The following CACNA2D1 variants were observed in gnomAD, a reference collection of about 807,000 sequenced individuals.
The protein encoded by CACNA2D1 is voltage-dependent calcium channel subunit alpha-2/delta-1.
Under a neutral mutation model 171.5 loss-of-function variants are expected in CACNA2D1, and 53 were observed. The observed-to-expected ratio is 0.31, with a 90% CI of 0.25 to 0.39. The LOEUF is 0.39. Ranked by LOEUF, CACNA2D1 falls within the 10% of genes least tolerant of loss-of-function variation. CACNA2D1 has a pLI of 1.00. For missense variants in CACNA2D1, 903 were observed against 1,299.8 expected (o/e 0.69, Z 4.69); for synonymous variants, 442 against 443.1 (o/e 1.00, Z 0.03).
intron 6 of CACNA2D1, among the ~76,000 whole-genome samples, chr7:82,115,248 G>A (rs1788908281): frequency 6.6e-6 from 1 of 152,056 alleles, no homozygotes; most frequent in African/African-American, 2.4e-5. Context: ...ACAAACAACA[G>A]GTGATAGATC....
chr7:81,953,109 C>A (rs1408361603), intron 38 of CACNA2D1, among the ~76,000 whole-genome samples: 1 of 151,964 alleles, frequency 6.6e-6, no homozygotes, highest in South Asian at 2.1e-4. Context: ...CATCCTCTAA[C>A]TCTACCTTCA....
At chr7:82,177,146 C>T (rs11489546) in intron 3 of CACNA2D1, among the ~76,000 whole-genome samples, 1,587 of 145,892 alleles carry the variant, frequency 0.011, 23 homozygotes, top group African/African-American at 0.038. Context: ...CTGAAAAGCA[C>T]AGAAATAGTC....
chr7:82,265,171 C>T (rs1807663329), intron 3 of CACNA2D1, among the ~76,000 whole-genome samples: 1 of 152,178 alleles, frequency 6.6e-6, no homozygotes, highest in South Asian at 2.1e-4. Context: ...ACAGGCGATA[C>T]ATGGCTGAAT....
chr7:82,221,258 A>C (rs951985845), intron 3 of CACNA2D1, among the ~76,000 whole-genome samples: 3 of 152,148 alleles, frequency 2.0e-5, no homozygotes, highest in Non-Finnish European at 2.9e-5. Flanking sequence ...GGTACTCCTC[A>C]ATGTCCTTGG....
intron 4 of CACNA2D1, among the ~76,000 whole-genome samples, chr7:82,169,161 A>G (rs1438277211): frequency 1.3e-5 from 2 of 152,060 alleles, no homozygotes; most frequent in African/African-American, 4.8e-5. Context: ...AATCGTTTTT[A>G]TCTAAAAGCA....
rs535128393 is a variant in CACNA2D1 at position 82,147,866 on chromosome 7, G to A, written c.355-11190C>T. The stretch of plus-strand genomic sequence containing the variant: ...ACATCAATTTCATTCATCTTTCATC[G>A]GGCTTATAGGGATATGTAGGATAGG... On this transcript the variant is annotated intron_variant, in intron 4 of 38. Transcript: ENST00000356860. Among the ~76,000 whole-genome samples, 9 of 152,106 alleles carry A rather than the reference G, an allele frequency of 5.9e-5. No individual in the cohort carries two copies. In the South Asian group the frequency reaches 6.2e-4, roughly 11 times the overall value.
intron 5 of CACNA2D1, among the ~76,000 whole-genome samples, chr7:82,123,924 CAT>C (rs1790029994): frequency 6.6e-6 from 1 of 151,808 alleles, no homozygotes; most frequent in Non-Finnish European, 1.5e-5. Flanking sequence ...TGTATATAAG[CAT>C]ATATCATACA....
intron 38 of CACNA2D1, among the ~76,000 whole-genome samples, chr7:81,952,140 T>G (rs1792677381): frequency 6.6e-6 from 1 of 151,986 alleles, no homozygotes. Flanking sequence ...TTTTGAGAAC[T>G]GTCTATTCAT....
At chr7:81,959,965 A>C (rs1452410636) in intron 36 of CACNA2D1, 136 bp from the exon 37 acceptor site, 1 of 1,350,504 alleles carries the variant, frequency 7.4e-7, no homozygotes, top group Non-Finnish European at 1.0e-6. Flanking sequence ...GCACAATAGG[A>C]GTATGATTTT....
At chr7:82,214,114 T>C (rs1388246161) in intron 3 of CACNA2D1, among the ~76,000 whole-genome samples, 1 of 152,100 alleles carries the variant, frequency 6.6e-6, no homozygotes, top group African/African-American at 2.4e-5. Context: ...CCTCATGACC[T>C]AATCTACTCC....
intron 3 of CACNA2D1, among the ~76,000 whole-genome samples, chr7:82,227,772 T>A (rs1006836363): frequency 2.0e-5 from 3 of 152,176 alleles, no homozygotes; most frequent in Admixed American, 6.6e-5. Context: ...CAGTGAATAG[T>A]CTATATATTT....
chr7:82,304,987 T>C (rs764757243), intron 3 of CACNA2D1, among the ~76,000 whole-genome samples: 16 of 152,162 alleles, frequency 1.1e-4, no homozygotes, highest in Admixed American at 7.9e-4. Flanking sequence ...ACCGTAAGTA[T>C]GTACACATAT....
intron 1 of CACNA2D1, among the ~76,000 whole-genome samples, chr7:82,372,167 A>T (rs1822488557): frequency 6.6e-6 from 1 of 152,174 alleles, no homozygotes; most frequent in Admixed American, 6.5e-5. Flanking sequence ...TATACTGAAC[A>T]AACTAATATA....
At chr7:82,353,012 G>C (rs1275251643) in intron 1 of CACNA2D1, among the ~76,000 whole-genome samples, 3 of 152,152 alleles carry the variant, frequency 2.0e-5, no homozygotes, top group Non-Finnish European at 4.4e-5. Flanking sequence ...AAAATGAGAA[G>C]TCAGAGAGTA....
chr7:81,991,731 C>A (rs1477234391), intron 20 of CACNA2D1, among the ~76,000 whole-genome samples: 2 of 152,098 alleles, frequency 1.3e-5, no homozygotes, highest in Non-Finnish European at 2.9e-5. Flanking sequence ...AGGACAACAT[C>A]TAATAAACCC....
rs760765395 is a variant in CACNA2D1, at chr7:81,964,289, A to G, written c.2645T>C (p.Phe882Ser). 6 of 1,612,560 alleles carry G rather than the reference A, an allele frequency of 3.7e-6. No individual in the cohort carries two copies. The highest frequency in any genetic ancestry group is 5.1e-6 in the Non-Finnish European group (6 of 1,179,010). Residue 882 changes from phenylalanine to serine, a missense_variant, in exon 33 of 39, where the codon TTT becomes TCT. Phe to Ser is a radical substitution (Grantham distance 155). This residue lies in a region of CACNA2D1 where 623 missense variants were observed against 925.5 expected (regional missense o/e 0.67). Coordinates refer to ENST00000356860, the MANE Select transcript of CACNA2D1 (RefSeq NM_000722.4). ...TGACTGATAATCATAAGATTTGTTA[A>G]AAGCATAAACTGATATATTAACCAG... ...RHLVNISVYA[F>S]NKSYDYQSVC...
Position 82,429,938 on chromosome 7 carries a change from C to T in CACNA2D1, c.95+13427G>A, listed in dbSNP as rs111718892. On this transcript the variant is annotated intron_variant, in intron 1 of 38. Transcript: ENST00000356860. ...GCAGTCTGCACAGCCTCCATTGTGC[C>T]CATCTTCCTGAGGCTTCATATGGCC... 3.0e-4 allele frequency among the ~76,000 whole-genome samples: 46 copies of T among 152,210 alleles called. 1 individual carries two copies. Among genetic ancestry groups the T allele is most frequent in the African/African-American group, 1.0e-3 (43 of 41,514 alleles).
intron 3 of CACNA2D1, among the ~76,000 whole-genome samples, chr7:82,237,863 T>TA (rs1474946169): frequency 6.6e-6 from 1 of 152,018 alleles, no homozygotes; most frequent in Non-Finnish European, 1.5e-5. Context: ...GTGCAATTAG[T>TA]AGCTTACCTA....
intron 1 of CACNA2D1, among the ~76,000 whole-genome samples, chr7:82,355,016 C>A (rs1820264977): frequency 6.6e-6 from 1 of 152,190 alleles, no homozygotes; most frequent in South Asian, 2.1e-4. Flanking sequence ...TTATAAGAAA[C>A]TGTGAAAATA....
Sources: gnomAD v4.1 joint callset for allele counts (sites outside exome capture counted in the v4.1 genomes callset) on GRCh38, gnomAD v4.1.1 for gene constraint, gnomAD v4.1.1 regional missense constraint, MANE v1.5 for transcripts, NCBI Gene and HGNC (gene_info 2026-07-23, HGNC 2026-07-21) for gene names.